TMCO4: variants seen among roughly 807,000 people sequenced by gnomAD.
TMCO4 encodes transmembrane and coiled-coil domain-containing protein 4.
Under a neutral mutation model 64.7 loss-of-function variants are expected in TMCO4, and 58 were observed. That is an observed-to-expected ratio of 0.90 (90% CI 0.73 to 1.12). The LOEUF (loss-of-function observed/expected upper bound fraction) is 1.12, where lower values mean the gene tolerates loss of function less well. TMCO4 is among the 50% of genes most tolerant of loss of function. TMCO4 has a pLI of 0.00. For synonymous variants in TMCO4, 325 were observed against 346.1 expected (o/e 0.94, Z 0.68); for missense variants, 780 against 825.9 (o/e 0.94, Z 0.68).
chr1:19,697,060 G>A (rs2095241559), intron 14 of TMCO4, among the ~76,000 whole-genome samples: 3 of 152,206 alleles, frequency 2.0e-5, no homozygotes, highest in African/African-American at 7.2e-5. Flanking sequence ...CATTAACTGA[G>A]GGGGGACATG....
intron 15 of TMCO4, among the ~76,000 whole-genome samples, chr1:19,688,300 G>A (rs906750024): frequency 3.3e-5 from 5 of 152,080 alleles, no homozygotes; most frequent in Admixed American, 1.3e-4. Flanking sequence ...AGCCAGCCCC[G>A]CACATCGTGG....
intron 3 of TMCO4, among the ~76,000 whole-genome samples, chr1:19,782,211 T>C (rs1296976151): frequency 6.6e-6 from 1 of 152,162 alleles, no homozygotes; most frequent in Admixed American, 6.5e-5. Context: ...TGTGAAACAT[T>C]ACACAGCAAT....
intron 15 of TMCO4, among the ~76,000 whole-genome samples, chr1:19,687,983 T>C (rs2095162877): frequency 6.6e-6 from 1 of 152,034 alleles, no homozygotes; most frequent in Non-Finnish European, 1.5e-5. Context: ...AGAAGAGGGG[T>C]GAGGCAGGTC....
At position 19,747,158 on chromosome 1, in the gene TMCO4, C is replaced by G; in HGVS notation, c.613+5G>C. On this transcript the variant is annotated splice_donor_5th_base_variant and intron_variant, in intron 8 of 15. Transcript: ENST00000294543. ...ACGTGTGCCACCATCTCTAGCTGGA[C>G]TCACCGATCACCGTTCCGCCTCCGA... 6.2e-7 allele frequency: 1 copy of G among 1,613,802 alleles called. No homozygotes were observed. Among genetic ancestry groups the G allele is most frequent in the Non-Finnish European group, 8.5e-7 (1 of 1,179,746 alleles).
rs201623607 is a variant in TMCO4 at position 19,771,442 on chromosome 1, G to A, written c.220C>T (p.Leu74=). ...TEFMAGLVQW[L]ELSEAVLPTM... Reference sequence around the variant, plus strand: ...GGCAAGACAGCTTCAGACAACTCCAGCCACTGCACCAGGCCTGCCATGAAC... The same window carrying A: ...GGCAAGACAGCTTCAGACAACTCCAACCACTGCACCAGGCCTGCCATGAAC... The change falls in exon 5 of 16, where the codon CTG becomes TTG. Residue 74 remains leucine, a synonymous_variant. Coordinates refer to ENST00000294543, the MANE Select transcript of TMCO4 (RefSeq NM_181719.7). The A allele has an allele frequency of 6.2e-7, 1 of 1,614,144 alleles. No individual in the cohort carries two copies. The highest frequency in any genetic ancestry group is 1.3e-5 in the African/African-American group (1 of 75,044).
chr1:19,715,244 T>C (rs2095350334), intron 13 of TMCO4, among the ~76,000 whole-genome samples: 1 of 152,084 alleles, frequency 6.6e-6, no homozygotes, highest in African/African-American at 2.4e-5. Flanking sequence ...AACAAATTAT[T>C]TATTTATTCA....
At chr1:19,752,800 C>T (rs2042078506) in intron 7 of TMCO4, among the ~76,000 whole-genome samples, 1 of 151,538 alleles carries the variant, frequency 6.6e-6, no homozygotes, top group Admixed American at 6.6e-5. Context: ...TTATGCCACC[C>T]CTCTGACTTT....
intron 13 of TMCO4, among the ~76,000 whole-genome samples, chr1:19,702,418 C>A (rs2095279194): frequency 6.6e-6 from 1 of 150,968 alleles, no homozygotes; most frequent in African/African-American, 2.4e-5. Context: ...ATGGCAAAAT[C>A]CTGTCTCTAC....
intron 15 of TMCO4, among the ~76,000 whole-genome samples, chr1:19,683,823 C>A (rs1437382880): frequency 8.5e-6 from 1 of 116,960 alleles, no homozygotes; most frequent in Non-Finnish European, 1.6e-5. Flanking sequence ...AGTGCCGTGG[C>A]GCAATCTTGG....
chr1:19,775,636 A>C (rs940915216), intron 4 of TMCO4, among the ~76,000 whole-genome samples: 1 of 152,244 alleles, frequency 6.6e-6, no homozygotes, highest in Non-Finnish European at 1.5e-5. Flanking sequence ...AGTAACTGTG[A>C]CAGAGACTGC....
At chr1:19,714,448 CT>C (rs2095346247) in intron 13 of TMCO4, among the ~76,000 whole-genome samples, 1 of 152,016 alleles carries the variant, frequency 6.6e-6, no homozygotes, top group Non-Finnish European at 1.5e-5. Flanking sequence ...GTGGGGAGGG[CT>C]TCTTCAGACC....
At chr1:19,737,617 A>AAG (rs2095461362) in intron 12 of TMCO4, among the ~76,000 whole-genome samples, 161 bp from the exon 13 acceptor site, 1 of 152,226 alleles carries the variant, frequency 6.6e-6, no homozygotes, top group Non-Finnish European at 1.5e-5. Flanking sequence ...TGTCTTAATC[A>AAG]GCAGAGTCAG....
chr1:19,693,487 C>G (rs35410486), intron 15 of TMCO4, among the ~76,000 whole-genome samples: 19,743 of 152,058 alleles, frequency 0.13, 1,454 homozygotes, highest in East Asian at 0.27. Context: ...CAAACAAAAA[C>G]AAAAAGAAAA....
intron 12 of TMCO4, 57 bp from the exon 13 acceptor site, chr1:19,737,513 A>C (rs2095460568): frequency 6.4e-7 from 1 of 1,554,990 alleles, no homozygotes; most frequent in African/African-American, 1.4e-5. Context: ...CTAGCAAAAC[A>C]TCAGGCCTGA....
intron 4 of TMCO4, among the ~76,000 whole-genome samples, chr1:19,772,303 G>A (rs1346423082): frequency 6.6e-6 from 1 of 152,188 alleles, no homozygotes; most frequent in Non-Finnish European, 1.5e-5. Flanking sequence ...TGCTGCCAAG[G>A]ACGTGCTTTC....
chr1:19,738,226 G>C (rs1263855114), intron 12 of TMCO4: 1 of 152,276 alleles, frequency 6.6e-6, no homozygotes, highest in Non-Finnish European at 1.5e-5. Flanking sequence ...ACTTACCACA[G>C]TAGAAAATCC....
rs966100462 is a variant in TMCO4, at chr1:19,713,112, G to A, written c.1265-12227C>T. On this transcript the variant is annotated intron_variant, in intron 13 of 15. Transcript: ENST00000294543. ...TGAAAATGGCATGATGCGATTTCCT[G>A]TGCCTTCTATGGGCCAATGCAAGTC... 3.9e-5 allele frequency among the ~76,000 whole-genome samples: 6 copies of A among 152,164 alleles called. No individual in the cohort carries two copies. The East Asian group carries it at 9.6e-4, about 24-fold the overall frequency.
chr1:19,688,128 G>A (rs757977126), intron 15 of TMCO4, among the ~76,000 whole-genome samples: 2 of 152,198 alleles, frequency 1.3e-5, no homozygotes, highest in African/African-American at 4.8e-5. Flanking sequence ...TGTGACTGGC[G>A]TGCAGAAGCC....
rs563618097 is a variant in TMCO4 at position 19,773,984 on chromosome 1, CAT to C, written c.180-2504_180-2503del. Reference sequence around the variant, plus strand: ...TCAGCTTCATTTCCCTCTGAGATAACATGTGGATAATAACAGGACCTGCCTCA... The same window carrying C: ...TCAGCTTCATTTCCCTCTGAGATAACGTGGATAATAACAGGACCTGCCTCA... On this transcript the variant is annotated intron_variant, in intron 4 of 15. Coordinates refer to ENST00000294543, the MANE Select transcript of TMCO4 (RefSeq NM_181719.7). Among the ~76,000 whole-genome samples, 171 of 152,268 alleles carry C rather than the reference CAT, an allele frequency of 1.1e-3. 1 individual carries two copies. The Middle Eastern group carries it at 0.014, about 12-fold the overall frequency.
Sources: allele counts gnomAD v4.1 joint callset (sites outside exome capture counted in the v4.1 genomes callset), GRCh38; gene constraint gnomAD v4.1.1; transcripts MANE v1.5; gene names NCBI Gene and HGNC (gene_info 2026-07-23, HGNC 2026-07-21).